RGS22: variants seen among roughly 807,000 people sequenced by gnomAD.
The protein encoded by RGS22 is regulator of G protein signaling 22.
In RGS22, 148 loss-of-function variants were observed where a neutral mutation model predicts 172.9. The observed-to-expected ratio is 0.86, with a 90% CI of 0.75 to 0.98. The LOEUF is 0.98. Among genes scored for constraint, RGS22 ranks in the 50% least tolerant of loss-of-function variants. RGS22 has a pLI of 0.00. For synonymous variants in RGS22, 458 were observed against 480.2 expected (o/e 0.95, Z 0.60); for missense variants, 1,347 against 1,440.8 (o/e 0.93, Z 1.05).
chr8:100,009,822 TGAG>T (rs1197770572), intron 14 of RGS22, among the ~76,000 whole-genome samples: 1 of 152,216 alleles, frequency 6.6e-6, no homozygotes, highest in East Asian at 1.9e-4. Flanking sequence ...AAGCATTTAC[TGAG>T]TACTCCATCT....
chr8:100,008,284 C>T (rs1248005869), intron 15 of RGS22, 91 bp downstream of exon 15: 9 of 1,208,900 alleles, frequency 7.4e-6, no homozygotes, highest in Admixed American at 2.4e-5. Context: ...GTGATCCACC[C>T]GCCTCGGCCT....
intron 4 of RGS22, among the ~76,000 whole-genome samples, chr8:100,078,309 G>A (rs1366739280): frequency 6.6e-6 from 1 of 151,752 alleles, no homozygotes; most frequent in African/African-American, 2.4e-5. Flanking sequence ...CACCATCATA[G>A]CTTACTGCAG....
intron 1 of RGS22, 82 bp downstream of exon 1, chr8:100,105,815 G>A: frequency 8.1e-7 from 1 of 1,227,668 alleles, no homozygotes; most frequent in South Asian, 1.4e-5. Context: ...TAGGAGGGCA[G>A]GAGGTAAAGT....
At chr8:100,033,596 A>G (rs930064409) in intron 14 of RGS22, among the ~76,000 whole-genome samples, 1 of 152,108 alleles carries the variant, frequency 6.6e-6, no homozygotes, top group Non-Finnish European at 1.5e-5. Context: ...TACCAGAGGT[A>G]CAAAGAGGAC....
intron 14 of RGS22, among the ~76,000 whole-genome samples, chr8:100,026,891 T>A (rs1394209766): frequency 6.6e-6 from 1 of 152,176 alleles, no homozygotes; most frequent in Non-Finnish European, 1.5e-5. Context: ...AATAACCAAC[T>A]GTTTTCTGCC....
At chr8:100,061,227 A>G (rs2131773809) in intron 9 of RGS22, among the ~76,000 whole-genome samples, 1 of 152,360 alleles carries the variant, frequency 6.6e-6, no homozygotes, top group South Asian at 2.1e-4. Context: ...CCTAGGCAAT[A>G]CCATTCAGGA....
At chr8:100,032,017 G>A (rs1457041347) in intron 14 of RGS22, among the ~76,000 whole-genome samples, 1 of 152,142 alleles carries the variant, frequency 6.6e-6, no homozygotes, top group Non-Finnish European at 1.5e-5. Context: ...CCTGAAGGAA[G>A]CACTAAACAT....
chr8:100,044,372 G>A lies in RGS22; in HGVS notation c.1824-2456C>T, dbSNP rs1027891626. 6.6e-5 allele frequency among the ~76,000 whole-genome samples: 10 copies of A among 152,244 alleles called. No homozygotes were observed. The South Asian group carries it at 1.0e-3, about 16-fold the overall frequency. On this transcript the variant is annotated intron_variant, in intron 11 of 27. Coordinates refer to ENST00000360863, the MANE Select transcript of RGS22 (RefSeq NM_015668.5). The stretch of plus-strand genomic sequence containing the variant: ...AGGTATTCTCCTGCATCAGCCTCCC[G>A]AGTAGCTGGGATTACAGGCGTGAGC...
chr8:99,969,978 G>A (rs187574459), intron 23 of RGS22, among the ~76,000 whole-genome samples: 1 of 152,188 alleles, frequency 6.6e-6, no homozygotes, highest in African/African-American at 2.4e-5. Context: ...CAACATAATT[G>A]GAAGTAAAAC....
rs372401660 is a variant in RGS22 at position 100,105,386 on chromosome 8, T to C, written c.42A>G (p.Thr14=). Residue 14 remains threonine (T), a synonymous_variant, in exon 2 of 28, where the codon ACA becomes ACG. Transcript: ENST00000360863. Reference sequence around the variant, plus strand: ...AAATGATACTTACAAATTCTTCTTCTGTAATAGTTGGTGGCTCTGAAACAA... The same window carrying C: ...AAATGATACTTACAAATTCTTCTTCCGTAATAGTTGGTGGCTCTGAAACAA... ...KRLTAEPPTI[T]EEEFEDSLAT... The C allele has an allele frequency of 1.7e-4, 266 of 1,609,842 alleles. No homozygotes were observed. The highest frequency in any genetic ancestry group is 2.0e-4 in the Non-Finnish European group (236 of 1,176,446).
intron 2 of RGS22, 78 bp downstream of exon 2, chr8:100,105,296 C>G: frequency 8.7e-7 from 1 of 1,152,028 alleles, no homozygotes; most frequent in Non-Finnish European, 1.3e-6. Context: ...AGAAAACACA[C>G]AGCTTTCTTC....
At position 100,052,852 on chromosome 8, in the gene RGS22, G is replaced by A. The variant is rs545002879; in HGVS notation, c.1639C>T (p.Leu547Phe). 5.0e-6 allele frequency: 8 copies of A among 1,614,058 alleles called. No homozygotes were observed. The Admixed American group carries it at 5.0e-5, about 10-fold the overall frequency. The change falls in exon 10 of 28, where the codon CTC becomes TTC. Residue 547 changes from leucine (L) to phenylalanine (F), a missense_variant. Transcript: ENST00000360863. ...DIDPFPQMAT[L>F]LPLRPKSCIP... The stretch of plus-strand genomic sequence containing the variant: ...CAAGATTTGGGTCTTAATGGCAAGA[G>A]GGTTGCCATTTGTGGAAAAGGGTCA...
chr8:100,094,117 A>G (rs73698428), intron 2 of RGS22, among the ~76,000 whole-genome samples: 1,652 of 152,302 alleles, frequency 0.011, 27 homozygotes, highest in African/African-American at 0.037. Context: ...TTCCATAACT[A>G]TCTCATCCAC....
At chr8:100,094,608 C>A (rs998555651) in intron 2 of RGS22, among the ~76,000 whole-genome samples, 1 of 152,134 alleles carries the variant, frequency 6.6e-6, no homozygotes, top group African/African-American at 2.4e-5. Flanking sequence ...AAAATAACAA[C>A]AAACTAAGGA....
In RGS22 at chr8:100,052,965, A is replaced by C; in HGVS notation, c.1526T>G (p.Phe509Cys). ...KPLLLYWAPR[F>C]CVTHSASTKY... ...TGTTGAGGCTGAATGAGTAACACAG[A>C]ATCTTGGTGCCCTGTTTATTGGAAA... Residue 509 changes from phenylalanine to cysteine, a missense_variant, in exon 10 of 28, where the codon TTC (phenylalanine) becomes TGC (cysteine). Transcript: ENST00000360863. 1 of 1,613,718 alleles carries C rather than the reference A, an allele frequency of 6.2e-7. No individual in the cohort carries two copies. Among genetic ancestry groups the C allele is most frequent in the Non-Finnish European group, 8.5e-7 (1 of 1,179,822 alleles).
rs1810978906 is a variant in RGS22 at position 100,071,518 on chromosome 8, G to C, written c.445C>G (p.Gln149Glu). The C allele has an allele frequency of 6.2e-7, 1 of 1,605,034 alleles. No individual in the cohort carries two copies. The highest frequency in any genetic ancestry group is 1.7e-5 in the Admixed American group (1 of 58,284). Residue 149 changes from glutamine to glutamate, a missense_variant, in exon 6 of 28, where the codon CAA becomes GAA. By Grantham distance (29) the Gln-to-Glu change is conservative. Coordinates refer to ENST00000360863, the MANE Select transcript of RGS22 (RefSeq NM_015668.5). The part of the protein sequence containing the change: ...FEYRLAKLVS[Q>E]VRWSKSGMNF... ...ATGCCGGACTTGCTCCATCTTACTT[G>C]TGAGACCAATTTGGCTAACCTGCAT...
At position 100,019,764 on chromosome 8, in the gene RGS22, T is replaced by C. The variant is rs959142624; in HGVS notation, c.2167-11195A>G. Among the ~76,000 whole-genome samples, 14 of 152,144 alleles carry C rather than the reference T, an allele frequency of 9.2e-5. 1 individual carries two copies. The highest frequency in any genetic ancestry group is 1.3e-4 in the Non-Finnish European group (9 of 68,016). ...AAAGTAAAAGAGGGAATTCTAATCA[T>C]GTAATTAGTAAGGCAGCAGAAGGCA... On this transcript the variant is annotated intron_variant, in intron 14 of 27. Coordinates refer to ENST00000360863, the MANE Select transcript of RGS22 (RefSeq NM_015668.5).
chr8:99,975,125 G>A (rs202067999), intron 23 of RGS22, among the ~76,000 whole-genome samples: 1 of 150,862 alleles, frequency 6.6e-6, no homozygotes, highest in Non-Finnish European at 1.5e-5. Context: ...TAGCCTGGGC[G>A]ACAGAGTGAG....
intron 2 of RGS22, among the ~76,000 whole-genome samples, chr8:100,102,566 C>T (rs1460930): frequency 0.3 from 46,159 of 152,190 alleles, 8,717 homozygotes; most frequent in East Asian, 0.51. Flanking sequence ...TGGTTATAAA[C>T]TGCTCTCAGC....
Sources: gnomAD v4.1 joint callset for allele counts (sites outside exome capture counted in the v4.1 genomes callset) on GRCh38, gnomAD v4.1.1 for gene constraint, MANE v1.5 for transcripts, NCBI Gene and HGNC (gene_info 2026-07-23, HGNC 2026-07-21) for gene names.